The following SYNPR variants were observed in gnomAD, a reference collection of about 807,000 sequenced individuals.
The protein encoded by SYNPR is synaptoporin.
In SYNPR, 23 loss-of-function variants were observed where a neutral mutation model predicts 32.9. That is an observed-to-expected ratio of 0.70 (90% confidence interval 0.50 to 0.99). The LOEUF is 0.99. SYNPR is among the 50% of genes least tolerant of loss of function. The pLI is 0.00. For missense variants in SYNPR, 318 were observed against 349.3 expected (o/e 0.91, Z 0.71); for synonymous variants, 146 against 135.9 (o/e 1.07, Z -0.52).
intron 2 of SYNPR, among the ~76,000 whole-genome samples, chr3:63,328,485 T>G (rs923614982): frequency 2.6e-5 from 4 of 152,182 alleles, no homozygotes; most frequent in African/African-American, 9.6e-5. Flanking sequence ...CAGGCCCCAG[T>G]TCCCCTAACA....
At chr3:63,414,223 T>C (rs545867251) in intron 2 of SYNPR, among the ~76,000 whole-genome samples, 1 of 152,268 alleles carries the variant, frequency 6.6e-6, no homozygotes, top group African/African-American at 2.4e-5. Context: ...TGGCTAGATA[T>C]CTGAAAACTT....
the SYNPR span, among the ~76,000 whole-genome samples, chr3:63,222,369 T>G: frequency 6.6e-6 from 1 of 152,178 alleles, no homozygotes; most frequent in Non-Finnish European, 1.5e-5. Flanking sequence ...TAAAAGAGTC[T>G]TATTTCAAAT....
chr3:63,516,391 A>G (rs912365458), intron 3 of SYNPR, among the ~76,000 whole-genome samples: 4 of 152,142 alleles, frequency 2.6e-5, no homozygotes, highest in African/African-American at 9.7e-5. Context: ...AAAGTCCTGT[A>G]TCTCTTGGAA....
chr3:63,337,573 C>T (rs1413713680), intron 2 of SYNPR, among the ~76,000 whole-genome samples: 1 of 152,150 alleles, frequency 6.6e-6, no homozygotes, highest in African/African-American at 2.4e-5. Context: ...ATGTTTACAG[C>T]AGCTTTATTC....
At chr3:63,211,721 T>A in the SYNPR span, among the ~76,000 whole-genome samples, 2 of 141,342 alleles carry the variant, frequency 1.4e-5, no homozygotes, top group African/African-American at 5.3e-5. Flanking sequence ...TTTTTTTTTT[T>A]ATTATACTTT....
At chr3:63,206,176 C>T in the SYNPR span, among the ~76,000 whole-genome samples, 1 of 152,058 alleles carries the variant, frequency 6.6e-6, no homozygotes, top group African/African-American at 2.4e-5. Flanking sequence ...CGGGAAAATT[C>T]TCATTTTTAA....
chr3:63,349,129 GTCTC>G (rs1272555170), intron 2 of SYNPR, among the ~76,000 whole-genome samples: 3 of 151,450 alleles, frequency 2.0e-5, no homozygotes, highest in East Asian at 1.9e-4. Context: ...TTGAGATGGA[GTCTC>G]TCTCTATCAC....
chr3:63,554,608 C>T (rs1575708242), intron 3 of SYNPR, among the ~76,000 whole-genome samples: 1 of 152,076 alleles, frequency 6.6e-6, no homozygotes, highest in East Asian at 1.9e-4. Flanking sequence ...TTTGGTTGCT[C>T]TAGCCTTGTG....
intron 2 of SYNPR, among the ~76,000 whole-genome samples, chr3:63,316,964 A>G (rs1407042256): frequency 6.6e-6 from 1 of 151,950 alleles, no homozygotes; most frequent in East Asian, 1.9e-4. Flanking sequence ...TAATTTTTAA[A>G]TTTCCATCTT....
At chr3:63,249,590 G>A (rs1394560205) in intron 1 of SYNPR, among the ~76,000 whole-genome samples, 1 of 152,040 alleles carries the variant, frequency 6.6e-6, no homozygotes, top group African/African-American at 2.4e-5. Flanking sequence ...CTACAGATAT[G>A]TGCAGTGTAC....
At chr3:63,208,735 A>G in the SYNPR span, among the ~76,000 whole-genome samples, 9 of 152,288 alleles carry the variant, frequency 5.9e-5, no homozygotes, top group African/African-American at 1.7e-4. Flanking sequence ...TGTTGCAGAG[A>G]CTGTAAGCTC....
chr3:63,373,664 T>C (rs1200036223), intron 2 of SYNPR, among the ~76,000 whole-genome samples: 1 of 152,192 alleles, frequency 6.6e-6, no homozygotes, highest in African/African-American at 2.4e-5. Context: ...TGTATCAGGA[T>C]ATCTATGAAA....
At chr3:63,467,977 A>G (rs1427253320) in intron 2 of SYNPR, among the ~76,000 whole-genome samples, 2 of 152,000 alleles carry the variant, frequency 1.3e-5, no homozygotes, top group African/African-American at 2.4e-5. Flanking sequence ...AGGCGGGCAC[A>G]TCACCTGAGG....
intron 2 of SYNPR, among the ~76,000 whole-genome samples, chr3:63,432,839 A>G (rs1700018386): frequency 1.3e-5 from 2 of 152,204 alleles, no homozygotes; most frequent in Admixed American, 1.3e-4. Context: ...CTTCATGATC[A>G]TTCAATGTAA....
rs190313136 is a variant in SYNPR at position 63,373,370 on chromosome 3, C to G, written c.84+94628C>G. 2.6e-5 allele frequency among the ~76,000 whole-genome samples: 4 copies of G among 152,180 alleles called. No homozygotes were observed. In the East Asian group the frequency reaches 7.7e-4, roughly 29 times the overall value. ...AAAAGCTGATAGACAAAACAGCCAT[C>G]ATAAGAAAGAACCAAACTGATCTGA... On this transcript the variant is annotated intron_variant, in intron 2 of 5. Coordinates refer to ENST00000478300, the MANE Select transcript of SYNPR (RefSeq NM_001130003.2).
upstream of SYNPR, among the ~76,000 whole-genome samples, chr3:63,227,264 G>A (rs2086135222): frequency 6.6e-6 from 1 of 152,172 alleles, no homozygotes; most frequent in African/African-American, 2.4e-5. Flanking sequence ...TTCGTGTGAG[G>A]CAATGCCCCA....
chr3:63,360,625 T>C (rs755630526), intron 2 of SYNPR, among the ~76,000 whole-genome samples: 16 of 152,162 alleles, frequency 1.1e-4, no homozygotes, highest in South Asian at 4.1e-4. Context: ...CTTGGCACAT[T>C]AACCTCCTTG....
chr3:63,253,098 G>A (rs990053837), intron 2 of SYNPR, among the ~76,000 whole-genome samples: 2 of 150,662 alleles, frequency 1.3e-5, no homozygotes, highest in Admixed American at 1.3e-4. Flanking sequence ...CTAAACCACT[G>A]AAAATATTTG....
chr3:63,494,470 C>T (rs76265393), intron 3 of SYNPR, among the ~76,000 whole-genome samples: 28 of 90,990 alleles, frequency 3.1e-4, no homozygotes, highest in East Asian at 8.8e-4. Flanking sequence ...CATATATACA[C>T]ATATATACAT....
Sources: allele counts gnomAD v4.1 joint callset (sites outside exome capture counted in the v4.1 genomes callset), GRCh38; gene constraint gnomAD v4.1.1; transcripts MANE v1.5; gene names NCBI Gene and HGNC (gene_info 2026-07-23, HGNC 2026-07-21).